PDE3A: variants seen among roughly 807,000 people sequenced by gnomAD.
PDE3A encodes the protein phosphodiesterase 3A.
PDE3A carries 43 observed loss-of-function variants against 98.3 expected under a neutral mutation model. The ratio of observed to expected loss-of-function variants is 0.44; its 90% CI spans 0.34 to 0.56. PDE3A has a LOEUF of 0.56. Among genes scored for constraint, PDE3A ranks in the 20% least tolerant of loss-of-function variants. The pLI, the probability that PDE3A is intolerant of heterozygous loss-of-function variation, is 0.01. For synonymous variants in PDE3A, 663 were observed against 567.9 expected, an observed-to-expected ratio of 1.17 and a Z score of -2.38; for missense variants, 1,427 against 1,440.7, an observed-to-expected ratio of 0.99 and a Z score of 0.15.
At chr12:20,607,392 G>T (rs1378642238) in intron 2 of PDE3A, among the ~76,000 whole-genome samples, 1 of 149,482 alleles carries the variant, frequency 6.7e-6, no homozygotes. Context: ...AGCTGAGATC[G>T]TGCCAGTGCA....
intron 1 of PDE3A, among the ~76,000 whole-genome samples, chr12:20,496,168 G>C (rs906036685): frequency 7.9e-5 from 12 of 152,146 alleles, no homozygotes; most frequent in African/African-American, 2.9e-4. Flanking sequence ...CACACTATCT[G>C]TCTCATCAGT....
chr12:20,588,932 T>A (rs879862713), intron 2 of PDE3A, among the ~76,000 whole-genome samples: 1 of 152,156 alleles, frequency 6.6e-6, no homozygotes, highest in Non-Finnish European at 1.5e-5. Flanking sequence ...TGTTTGTTTG[T>A]TTGTTTTTGA....
chr12:20,533,041 T>C (rs991484411), intron 1 of PDE3A, among the ~76,000 whole-genome samples: 1 of 152,202 alleles, frequency 6.6e-6, no homozygotes, highest in Non-Finnish European at 1.5e-5. Context: ...CCATGCTATA[T>C]TGAGATAACT....
intron 1 of PDE3A, among the ~76,000 whole-genome samples, chr12:20,518,857 T>C (rs1009523641): frequency 4.6e-5 from 7 of 152,206 alleles, no homozygotes; most frequent in African/African-American, 9.6e-5. Context: ...ATAGCTATGT[T>C]GTTGAATCTG....
chr12:20,401,263 A>G lies in PDE3A; in HGVS notation c.960+31019A>G, dbSNP rs1565537638. On this transcript the variant is annotated intron_variant, in intron 1 of 15. Transcript: ENST00000359062. ...ATATTAATTTATTCATTGAACTACC[A>G]CACTACATCTTCTTGATGTACAGCT... Among the ~76,000 whole-genome samples, 5 of 152,320 alleles carry G rather than the reference A, an allele frequency of 3.3e-5. No individual in the cohort carries two copies. The South Asian group carries it at 1.0e-3, about 32-fold the overall frequency.
At chr12:20,557,258 A>G (rs1423676614) in intron 2 of PDE3A, 1 of 153,152 alleles carries the variant, frequency 6.5e-6, no homozygotes, top group Non-Finnish European at 1.5e-5. Flanking sequence ...TTAGGCAAAG[A>G]GAAAAGCTTC....
chr12:20,369,550 T>A lies in PDE3A; in HGVS notation c.266T>A (p.Leu89Gln), dbSNP rs1943418301. The change falls in exon 1 of 16, where the codon CTG becomes CAG. Residue 89 changes from leucine (L) to glutamine (Q), a missense_variant. Coordinates refer to ENST00000359062, the MANE Select transcript of PDE3A (RefSeq NM_000921.5). ...GTCCGCGGGGAGGTCGGCTGTGACC[T>A]GGAGCAGTGTAAGGAGGCGGCGGCG... ...RLVRGEVGCD[L>Q]EQCKEAAAAE... 1 of 1,558,760 alleles carries A rather than the reference T, an allele frequency of 6.4e-7. No homozygotes were observed. The highest frequency in any genetic ancestry group is 8.7e-7 in the Non-Finnish European group (1 of 1,152,010).
chr12:20,467,367 T>C (rs1293444632), intron 1 of PDE3A, among the ~76,000 whole-genome samples: 2 of 151,992 alleles, frequency 1.3e-5, no homozygotes, highest in African/African-American at 2.4e-5. Flanking sequence ...TTAATAAAGA[T>C]AGTGTAGGAA....
chr12:20,528,109 TTTAA>T (rs1406269801), intron 1 of PDE3A, among the ~76,000 whole-genome samples: 3 of 152,160 alleles, frequency 2.0e-5, no homozygotes, highest in African/African-American at 7.2e-5. Flanking sequence ...CCCTGACAAC[TTTAA>T]TTGTTTCTTT....
intron 1 of PDE3A, among the ~76,000 whole-genome samples, chr12:20,498,010 G>T (rs1945952315): frequency 6.6e-6 from 1 of 152,104 alleles, no homozygotes; most frequent in Non-Finnish European, 1.5e-5. Flanking sequence ...AATTAACTAT[G>T]CAGAAACGTG....
At chr12:20,607,874 T>C (rs890093309) in intron 2 of PDE3A, among the ~76,000 whole-genome samples, 13 of 152,160 alleles carry the variant, frequency 8.5e-5, no homozygotes, top group Non-Finnish European at 1.9e-4. Flanking sequence ...AAACTTAACA[T>C]TTAGTATTTA....
In PDE3A at chr12:20,635,073, T is replaced by C; in HGVS notation, c.2001+17T>C. 6.3e-7 allele frequency: 1 copy of C among 1,596,684 alleles called. No homozygotes were observed. Among genetic ancestry groups the C allele is most frequent in the African/African-American group, 1.3e-5 (1 of 74,122 alleles). ...ATGTTTCTGGTAGTCCCATATCACT[T>C]AACTCACTCATTTACTTGAGAGATG... On this transcript the variant is annotated intron_variant, in intron 8 of 15. Transcript: ENST00000359062.
chr12:20,678,669 G>C (rs76692490), intron 15 of PDE3A, among the ~76,000 whole-genome samples: 3 of 152,178 alleles, frequency 2.0e-5, no homozygotes, highest in African/African-American at 7.2e-5. Context: ...ACTGTAGCCA[G>C]CTCTAAGTTC....
intron 1 of PDE3A, among the ~76,000 whole-genome samples, chr12:20,436,739 G>T (rs917546080): frequency 6.6e-6 from 1 of 152,114 alleles, no homozygotes; most frequent in Non-Finnish European, 1.5e-5. Context: ...TTTTTCTCTC[G>T]TAGAGGGGAA....
intron 1 of PDE3A, among the ~76,000 whole-genome samples, chr12:20,515,401 G>A (rs1156389687): frequency 6.6e-6 from 1 of 152,174 alleles, no homozygotes; most frequent in African/African-American, 2.4e-5. Flanking sequence ...TTTTACAAAA[G>A]CAAGTGTTAA....
At chr12:20,555,031 CTTTCT>C (rs1006680826) in intron 1 of PDE3A, among the ~76,000 whole-genome samples, 24 of 151,538 alleles carry the variant, frequency 1.6e-4, no homozygotes, top group African/African-American at 5.6e-4. Flanking sequence ...TAATGGATTC[CTTTCT>C]TTTGAGATGG....
chr12:20,369,655 C>G lies in PDE3A; in HGVS notation c.371C>G (p.Ala124Gly). Residue 124 changes from alanine (A) to glycine (G), a missense_variant, in exon 1 of 16, where the codon GCG becomes GGG. Physicochemically the swap from Ala to Gly is moderately conservative, Grantham distance 60. Transcript: ENST00000359062. ...GPRGGAPGGG[A>G]RLSPWLQPSA... ...CGGGGAGGTGCTCCCGGGGGCGGTG[C>G]GCGGCTCAGCCCCTGGCTGCAGCCC... 6.2e-7 allele frequency: 1 copy of G among 1,601,918 alleles called. No individual in the cohort carries two copies. The highest frequency in any genetic ancestry group is 8.5e-7 in the Non-Finnish European group (1 of 1,175,154).
intron 10 of PDE3A, among the ~76,000 whole-genome samples, chr12:20,642,815 T>C (rs902615778): frequency 6.6e-6 from 1 of 152,126 alleles, no homozygotes. Flanking sequence ...ACTACCAGAG[T>C]ATTAACTATA....
intron 2 of PDE3A, 102 bp from the exon 3 acceptor site, chr12:20,613,341 A>T: frequency 9.4e-7 from 1 of 1,060,856 alleles, no homozygotes; most frequent in Non-Finnish European, 1.4e-6. Flanking sequence ...AATCCTAAAG[A>T]ATCAGCCCAA....
Sources: gnomAD v4.1 joint callset for allele counts (sites outside exome capture counted in the v4.1 genomes callset) on GRCh38, gnomAD v4.1.1 for gene constraint, MANE v1.5 for transcripts, NCBI Gene and HGNC (gene_info 2026-07-23, HGNC 2026-07-21) for gene names.